The following TTC29 variants were observed in gnomAD, a reference collection of about 807,000 sequenced individuals.
TTC29 encodes tetratricopeptide repeat protein 29.
Under a neutral mutation model 58.1 loss-of-function variants are expected in TTC29, and 49 were observed. That is an observed-to-expected ratio of 0.84 (90% CI 0.67 to 1.07). The LOEUF is 1.07. TTC29 is among the 50% of genes least tolerant of loss of function. TTC29 has a pLI of 0.00. For missense variants in TTC29, 582 were observed against 555.6 expected (o/e 1.05, Z -0.48); for synonymous variants, 209 against 196.8 (o/e 1.06, Z -0.52).
chr4:146,895,967 A>G (rs1300563758), intron 6 of TTC29, among the ~76,000 whole-genome samples: 1 of 152,184 alleles, frequency 6.6e-6, no homozygotes, highest in African/African-American at 2.4e-5. Flanking sequence ...AGTAATCAAC[A>G]TTACTGTACA....
intron 8 of TTC29, among the ~76,000 whole-genome samples, chr4:146,840,977 C>T (rs1222660383): frequency 6.6e-6 from 1 of 152,106 alleles, no homozygotes; most frequent in African/African-American, 2.4e-5. Flanking sequence ...GTAATGTGGA[C>T]TAAGTTATTG....
chr4:146,840,774 T>TC (rs375805885), intron 8 of TTC29, among the ~76,000 whole-genome samples: 37 of 152,272 alleles, frequency 2.4e-4, no homozygotes, highest in African/African-American at 6.0e-4. Context: ...AAGAACTCTA[T>TC]AATAACTCTA....
chr4:146,864,227 G>A (rs547616765), intron 8 of TTC29, among the ~76,000 whole-genome samples: 3 of 151,750 alleles, frequency 2.0e-5, no homozygotes, highest in Admixed American at 6.6e-5. Flanking sequence ...CCCTACCCCC[G>A]AAAACAACAC....
At chr4:146,742,180 C>T (rs1745201862) in intron 11 of TTC29, among the ~76,000 whole-genome samples, 1 of 152,146 alleles carries the variant, frequency 6.6e-6, no homozygotes, top group African/African-American at 2.4e-5. Flanking sequence ...TCTTTCCTCA[C>T]TTCCTTCTTT....
chr4:146,752,739 A>G (rs562105105), intron 11 of TTC29, among the ~76,000 whole-genome samples: 1 of 152,290 alleles, frequency 6.6e-6, no homozygotes, highest in South Asian at 2.1e-4. Flanking sequence ...GCTCTCAGAA[A>G]TAATGCCACA....
intron 11 of TTC29, among the ~76,000 whole-genome samples, chr4:146,752,192 CTAAGCTGA>C (rs1746057128): frequency 6.6e-6 from 1 of 151,382 alleles, no homozygotes; most frequent in South Asian, 2.1e-4. Flanking sequence ...CAAAATCTCC[CTAAGCTGA>C]TAAGCAACTT....
intron 11 of TTC29, among the ~76,000 whole-genome samples, chr4:146,779,842 C>A (rs1748453895): frequency 6.6e-6 from 1 of 152,122 alleles, no homozygotes; most frequent in South Asian, 2.1e-4. Flanking sequence ...TATAGGTTTT[C>A]ATATAGCTTG....
At chr4:146,894,929 C>T (rs1439683153) in intron 6 of TTC29, among the ~76,000 whole-genome samples, 1 of 152,122 alleles carries the variant, frequency 6.6e-6, no homozygotes, top group Non-Finnish European at 1.5e-5. Context: ...GTTTACTGTA[C>T]AGATCATCCC....
intron 8 of TTC29, among the ~76,000 whole-genome samples, chr4:146,858,846 C>G (rs192236636): frequency 1.2e-4 from 18 of 152,202 alleles, no homozygotes; most frequent in African/African-American, 4.1e-4. Context: ...ATCTGGGATT[C>G]CATGCTTGAT....
chr4:146,924,578 C>T (rs1734800982), intron 4 of TTC29, among the ~76,000 whole-genome samples: 1 of 151,818 alleles, frequency 6.6e-6, no homozygotes, highest in Non-Finnish European at 1.5e-5. Context: ...TCTGTGTAAT[C>T]TGTAGTAATA....
Position 146,775,957 on chromosome 4 carries a change from A to G in TTC29, c.1330+27500T>C, listed in dbSNP as rs566685715. Reference sequence around the variant, plus strand: ...AAATGGTCTCTTTCCATAATCCCATATTACCCTTTGAGAAATTCATTTTTC... The same window carrying G: ...AAATGGTCTCTTTCCATAATCCCATGTTACCCTTTGAGAAATTCATTTTTC... On this transcript the variant is annotated intron_variant, in intron 11 of 12. Transcript: ENST00000325106. 2.6e-5 allele frequency among the ~76,000 whole-genome samples: 4 copies of G among 152,172 alleles called. No individual in the cohort carries two copies. The South Asian group carries it at 8.3e-4, about 32-fold the overall frequency.
chr4:146,928,351 T>A (rs1243691193), intron 4 of TTC29, among the ~76,000 whole-genome samples: 1 of 152,170 alleles, frequency 6.6e-6, no homozygotes, highest in Non-Finnish European at 1.5e-5. Flanking sequence ...TAATAAATAC[T>A]TTTTGTGAAT....
intron 4 of TTC29, among the ~76,000 whole-genome samples, chr4:146,918,903 C>T (rs1295493937): frequency 6.6e-6 from 1 of 150,808 alleles, no homozygotes; most frequent in Non-Finnish European, 1.5e-5. Flanking sequence ...ATTTTTAAGA[C>T]TTAAAAAAAT....
chr4:146,781,039 A>T (rs1363852292), intron 11 of TTC29, among the ~76,000 whole-genome samples: 3 of 152,088 alleles, frequency 2.0e-5, no homozygotes, highest in African/African-American at 7.2e-5. Context: ...CAATTGTATT[A>T]TACTTCATCA....
chr4:146,712,255 A>C (rs560029944), intron 11 of TTC29, among the ~76,000 whole-genome samples: 8 of 152,172 alleles, frequency 5.3e-5, no homozygotes, highest in Non-Finnish European at 1.0e-4. Context: ...TCTTTGAAAA[A>C]GATATTGACA....
intron 11 of TTC29, among the ~76,000 whole-genome samples, chr4:146,768,068 G>C (rs1334659667): frequency 6.6e-6 from 1 of 151,946 alleles, no homozygotes; most frequent in African/African-American, 2.4e-5. Context: ...AGTTGTGCAG[G>C]GAATTTATTT....
At chr4:146,794,470 T>G (rs917680188) in intron 11 of TTC29, among the ~76,000 whole-genome samples, 2 of 152,102 alleles carry the variant, frequency 1.3e-5, no homozygotes, top group Non-Finnish European at 1.5e-5. Context: ...GGTAAAAACT[T>G]GGGCCAAATA....
chr4:146,735,794 G>A (rs533267135), intron 11 of TTC29, among the ~76,000 whole-genome samples: 1 of 152,168 alleles, frequency 6.6e-6, no homozygotes, highest in Admixed American at 6.5e-5. Context: ...CTGAACAACA[G>A]TTCGAGAAGC....
chr4:146,774,772 T>C (rs1022084101), intron 11 of TTC29, among the ~76,000 whole-genome samples: 3 of 152,164 alleles, frequency 2.0e-5, no homozygotes, highest in Admixed American at 6.5e-5. Context: ...TGAATATCTT[T>C]GTTAGTTATC....
Sources: gnomAD v4.1 joint callset for allele counts (sites outside exome capture counted in the v4.1 genomes callset) on GRCh38, gnomAD v4.1.1 for gene constraint, MANE v1.5 for transcripts, NCBI Gene and HGNC (gene_info 2026-07-23, HGNC 2026-07-21) for gene names.